The following SERBP1 variants were observed in gnomAD, a reference collection of about 807,000 sequenced individuals.
SERBP1 encodes SERPINE1 mRNA binding protein 1, also known as SERPINE1 mRNA-binding protein 1.
A neutral mutation model predicts 50.2 loss-of-function variants in SERBP1; 6 were observed. The ratio of observed to expected loss-of-function variants is 0.12; its 90% CI spans 0.07 to 0.24. The LOEUF is 0.24. SERBP1 is among the 10% of genes least tolerant of loss of function. The pLI, the probability that SERBP1 is intolerant of heterozygous loss-of-function variation, is 1.00. For missense variants in SERBP1, 346 were observed against 524.9 expected, an observed-to-expected ratio of 0.66 and a Z score of 3.33; for synonymous variants, 168 against 182.8, an observed-to-expected ratio of 0.92 and a Z score of 0.65.
At chr1:67,413,684 C>T (rs1487789719) in intron 7 of SERBP1, among the ~76,000 whole-genome samples, 1 of 151,022 alleles carries the variant, frequency 6.6e-6, no homozygotes, top group Non-Finnish European at 1.5e-5. Context: ...TGTTAAAATT[C>T]TAGGTAAAAT....
rs1399021038 is a variant in SERBP1 at position 67,409,411 on chromosome 1, ACACACACACCCC to A, written c.*3784_*3795del. 1.4e-3 allele frequency: 181 copies of A among 127,118 alleles called. 2 individuals carry two copies. The highest frequency in any genetic ancestry group is 7.4e-3 in the Middle Eastern group (2 of 272). The allele number at this position is 127,118 out of a possible 1,614,324, so 7.9% of individuals were successfully genotyped here. ...GACACACACACACACACACACACACACACACACACCCCCACACACACCAGGTCACAGGCTGAA... is the reference window on the plus strand; with the variant it reads ...GACACACACACACACACACACACACACACACACACCAGGTCACAGGCTGAA... On this transcript the variant is annotated 3_prime_UTR_variant, in exon 8 of 8. Coordinates refer to ENST00000361219, the MANE Select transcript of SERBP1 (RefSeq NM_001018069.2).
intron 5 of SERBP1, among the ~76,000 whole-genome samples, chr1:67,421,288 T>A (rs191221350): frequency 6.6e-6 from 1 of 152,194 alleles, no homozygotes; most frequent in East Asian, 1.9e-4. Flanking sequence ...CAGCCAGGAA[T>A]AGAACTTAGC....
chr1:67,408,470 T>C lies in SERBP1; in HGVS notation c.*4737A>G, dbSNP rs1247091534. 6.6e-6 allele frequency: 1 copy of C among 152,114 alleles called. No individual in the cohort carries two copies. The highest frequency in any genetic ancestry group is 1.5e-5 in the Non-Finnish European group (1 of 68,024). The allele number at this position is 152,114 out of a possible 1,614,324, so 9.4% of individuals were successfully genotyped here. On this transcript the variant is annotated 3_prime_UTR_variant, in exon 8 of 8. Coordinates refer to ENST00000361219, the MANE Select transcript of SERBP1 (RefSeq NM_001018069.2). ...ATTTTCTAACTTGTGTGGGTAACTT[T>C]TTCCCTTCCATTTAGAAGTGAACAA...
intron 1 of SERBP1, among the ~76,000 whole-genome samples, chr1:67,427,714 C>T (rs539350586): frequency 6.6e-6 from 1 of 152,166 alleles, no homozygotes; most frequent in Non-Finnish European, 1.5e-5. Context: ...CAATAGTTGG[C>T]GTCCCCACCC....
intron 7 of SERBP1, among the ~76,000 whole-genome samples, 154 bp from the exon 8 acceptor site, chr1:67,413,417 G>A (rs959171030): frequency 6.6e-6 from 1 of 152,160 alleles, no homozygotes; most frequent in Admixed American, 6.5e-5. Flanking sequence ...GGGAGGCCAA[G>A]GTGGGTGGAT....
In SERBP1 at chr1:67,412,509, T is replaced by G. The variant is rs1031605133; in HGVS notation, c.*698A>C. The G allele has an allele frequency of 6.6e-6, 1 of 152,658 alleles. No individual in the cohort carries two copies. The highest frequency in any genetic ancestry group is 1.5e-5 in the Non-Finnish European group (1 of 68,044). The allele number at this position is 152,658 out of a possible 1,614,324, so 9.5% of individuals were successfully genotyped here. A position where few individuals can be genotyped will look rare whatever the true frequency, so the allele number is the denominator to read the frequency against. ...GCTGAAAATGTAAATCAGTTATAAT[T>G]TGAACCTAATGAGCCATGCAAGGAG... is the stretch of plus-strand genomic sequence containing the variant. On this transcript the variant is annotated 3_prime_UTR_variant, in exon 8 of 8. Coordinates refer to ENST00000361219, the MANE Select transcript of SERBP1 (RefSeq NM_001018069.2).
At chr1:67,424,785 G>A in intron 4 of SERBP1, 103 bp downstream of exon 4, 1 of 884,674 alleles carries the variant, frequency 1.1e-6, no homozygotes, top group Non-Finnish European at 1.9e-6. Flanking sequence ...GTAACTCTCA[G>A]AAGAGAGCAT....
chr1:67,407,864 T>G lies in SERBP1; in HGVS notation c.*5343A>C, dbSNP rs929283221. The G allele has an allele frequency of 6.6e-6, 1 of 152,242 alleles. No homozygotes were observed. Among genetic ancestry groups the G allele is most frequent in the Non-Finnish European group, 1.5e-5 (1 of 68,026 alleles). 9.4% of individuals were successfully genotyped at this position (152,242 alleles called of 1,614,324 possible). ...ACGTTATTCATTGGCTAATAGAACATTTTAGTCCCAATCCAACAAAATTTT... is the reference window on the plus strand; with the variant it reads ...ACGTTATTCATTGGCTAATAGAACAGTTTAGTCCCAATCCAACAAAATTTT... On this transcript the variant is annotated 3_prime_UTR_variant, in exon 8 of 8. Coordinates refer to ENST00000361219, the MANE Select transcript of SERBP1 (RefSeq NM_001018069.2).
chr1:67,413,339 G>C, intron 7 of SERBP1, 76 bp from the exon 8 acceptor site: 1 of 1,303,580 alleles, frequency 7.7e-7, no homozygotes. Context: ...TCTACATTAA[G>C]ACAGAACTCT....
At chr1:67,429,135 T>G (rs1474989604) in intron 1 of SERBP1, among the ~76,000 whole-genome samples, 4 of 152,008 alleles carry the variant, frequency 2.6e-5, no homozygotes, top group African/African-American at 9.7e-5. Flanking sequence ...CTGCGAACTC[T>G]AAAGAGCTCT....
chr1:67,421,932 T>C (rs561807162), intron 5 of SERBP1, among the ~76,000 whole-genome samples: 11 of 152,030 alleles, frequency 7.2e-5, no homozygotes, highest in Admixed American at 5.2e-4. Flanking sequence ...GGAGACTGTG[T>C]CTCAAAGAAA....
At position 67,419,773 on chromosome 1, in the gene SERBP1, T is replaced by C; in HGVS notation, c.951+236A>G. ...TACAAGATACTCCACTAACAGCTTT[T>C]TAGGAAAAAGTAACTCTACCACATA... is the stretch of plus-strand genomic sequence containing the variant. On this transcript the variant is annotated intron_variant, in intron 6 of 7. Coordinates refer to ENST00000361219, the MANE Select transcript of SERBP1 (RefSeq NM_001018069.2). The C allele has an allele frequency of 4.0e-6, 2 of 494,368 alleles. 1 individual carries two copies. The highest frequency in any genetic ancestry group is 1.1e-3 in the Middle Eastern group (2 of 1,814). 30.6% of individuals were successfully genotyped at this position (494,368 alleles called of 1,614,324 possible). A position where few individuals can be genotyped will look rare whatever the true frequency, so the allele number is the denominator to read the frequency against.
chr1:67,416,787 A>C (rs1667025268), intron 6 of SERBP1, among the ~76,000 whole-genome samples: 1 of 152,250 alleles, frequency 6.6e-6, no homozygotes, highest in East Asian at 1.9e-4. Flanking sequence ...GTTCTAATAC[A>C]AATTTTAAAG....
At position 67,410,700 on chromosome 1, in the gene SERBP1, A is replaced by AT. The variant is rs1265766753; in HGVS notation, c.*2506dup. 1 of 152,102 alleles carries AT rather than the reference A, an allele frequency of 6.6e-6. No homozygotes were observed. Among genetic ancestry groups the AT allele is most frequent in the Non-Finnish European group, 1.5e-5 (1 of 68,008 alleles). The allele number at this position is 152,102 out of a possible 1,614,324, so 9.4% of individuals were successfully genotyped here. On this transcript the variant is annotated 3_prime_UTR_variant, in exon 8 of 8. Transcript: ENST00000361219. ...TTTAGGAATCTTTATCTGTTTAGGG[A>AT]TTTTTCCCCTAGACTATTATAGCCA... is the stretch of plus-strand genomic sequence containing the variant.
intron 1 of SERBP1, 37 bp downstream of exon 1, chr1:67,429,951 C>G: frequency 6.5e-7 from 1 of 1,546,994 alleles, no homozygotes; most frequent in Non-Finnish European, 8.7e-7. Flanking sequence ...CTCCTTCCCT[C>G]CATCCCAGTC....
intron 7 of SERBP1, 94 bp downstream of exon 7, chr1:67,415,072 A>G (rs1297677526): frequency 1.5e-6 from 2 of 1,354,786 alleles, no homozygotes; most frequent in African/African-American, 2.9e-5. Flanking sequence ...TACTACTTCT[A>G]CTTATGTTCC....
At chr1:67,415,428 C>A in intron 6 of SERBP1, 89 bp from the exon 7 acceptor site, 2 of 1,294,804 alleles carry the variant, frequency 1.5e-6, no homozygotes, top group Non-Finnish European at 2.1e-6. Flanking sequence ...TAAAAAAAAC[C>A]AAAAATCCAA....
chr1:67,409,649 GATTT>G lies in SERBP1; in HGVS notation c.*3554_*3557del, dbSNP rs1157356276. The G allele has an allele frequency of 1.3e-5, 2 of 152,128 alleles. No individual in the cohort carries two copies. Among genetic ancestry groups the G allele is most frequent in the Admixed American group, 1.3e-4 (2 of 15,266 alleles). The allele number at this position is 152,128 out of a possible 1,614,324, so 9.4% of individuals were successfully genotyped here. ...AATTACCGACTTCCTCAGCCTGAAA[GATTT>G]ATTTCAATCACTTCACATAACCTCC... On this transcript the variant is annotated 3_prime_UTR_variant, in exon 8 of 8. Transcript: ENST00000361219.
At chr1:67,422,543 A>C (rs1667234563) in intron 5 of SERBP1, among the ~76,000 whole-genome samples, 1 of 152,096 alleles carries the variant, frequency 6.6e-6, no homozygotes, top group Non-Finnish European at 1.5e-5. Flanking sequence ...AAAGTTTAGA[A>C]AACATCTGCC....
Sources: gnomAD v4.1 joint callset for allele counts (sites outside exome capture counted in the v4.1 genomes callset) on GRCh38, gnomAD v4.1.1 for gene constraint, MANE v1.5 for transcripts, NCBI Gene and HGNC (gene_info 2026-07-23, HGNC 2026-07-21) for gene names.